The following FAM237B variants were observed in gnomAD, a reference collection of about 807,000 sequenced individuals.
The protein encoded by FAM237B is family with sequence similarity 237 member B.
rs1794975013 is a variant in FAM237B at position 90,318,092 on chromosome 7, A to C, written c.*1237T>G. ...ACCAAATTTATAGGCACCCTTTATCAAAGGTATAGGCTTTTACGACATGCA... is the reference window on the plus strand; with the variant it reads ...ACCAAATTTATAGGCACCCTTTATCCAAGGTATAGGCTTTTACGACATGCA... On this transcript the variant is annotated 3_prime_UTR_variant, in exon 3 of 3. Transcript: ENST00000692316. The C allele has an allele frequency of 6.6e-6, 1 of 152,216 alleles. No homozygotes were observed. The highest frequency in any genetic ancestry group is 2.1e-4 in the South Asian group (1 of 4,836). 9.4% of individuals were successfully genotyped at this position (152,216 alleles called of 1,614,324 possible). A position where few individuals can be genotyped will look rare whatever the true frequency, so the allele number is the denominator to read the frequency against.
At chr7:90,320,283 A>G (rs42608) in intron 2 of FAM237B, 120,679 of 152,246 alleles carry the variant, frequency 0.79, 47,951 homozygotes, top group East Asian at 0.89. Flanking sequence ...AGTTACTGCT[A>G]TTTCCATTTT....
In FAM237B at chr7:90,321,202, C is replaced by T. The variant is rs2117607755; in HGVS notation, c.-331G>A. ...GCCCAAGCTCGCTCAGCGGAACCGT[C>T]TCGGCCGCGGTGCGCTTCGGCGCTG... On this transcript the variant is annotated 5_prime_UTR_variant, in exon 1 of 3. Coordinates refer to ENST00000692316, the MANE Select transcript of FAM237B (RefSeq NM_001384237.2). The T allele has an allele frequency of 6.6e-6, 1 of 152,386 alleles. No homozygotes were observed. The highest frequency in any genetic ancestry group is 2.1e-4 in the South Asian group (1 of 4,826). 9.4% of individuals were successfully genotyped at this position (152,386 alleles called of 1,614,324 possible).
chr7:90,319,858 A>T (rs936158337), intron 2 of FAM237B, 107 bp from the exon 3 acceptor site: 3 of 397,306 alleles, frequency 7.6e-6, no homozygotes, highest in African/African-American at 6.2e-5. Flanking sequence ...TGATCAAGCC[A>T]AATCTGCTTA....
At chr7:90,320,038 G>C (rs527599488) in intron 2 of FAM237B, among the ~76,000 whole-genome samples, 1 of 152,260 alleles carries the variant, frequency 6.6e-6, no homozygotes, top group African/African-American at 2.4e-5. Context: ...AAACCCTAAA[G>C]AGCTTATGCT....
chr7:90,319,819 A>G lies in FAM237B; in HGVS notation c.-3-68T>C, dbSNP rs573499519. On this transcript the variant is annotated intron_variant, in intron 2 of 2. Transcript: ENST00000692316. ...AAAGTTATTCAATCACTTGATCTAAAAAACTGTAAGTACACATATATTTGC... is the reference window on the plus strand; with the variant it reads ...AAAGTTATTCAATCACTTGATCTAAGAAACTGTAAGTACACATATATTTGC... 8 of 397,880 alleles carry G rather than the reference A, an allele frequency of 2.0e-5. No homozygotes were observed. In the Admixed American group the frequency reaches 2.2e-4, roughly 11 times the overall value. 24.6% of individuals were successfully genotyped at this position (397,880 alleles called of 1,614,324 possible). A position where few individuals can be genotyped will look rare whatever the true frequency, so the allele number is the denominator to read the frequency against.
chr7:90,318,891 AT>A lies in FAM237B; in HGVS notation c.*437del, dbSNP rs1795060928. 1 of 152,470 alleles carries A rather than the reference AT, an allele frequency of 6.6e-6. No individual in the cohort carries two copies. Among genetic ancestry groups the A allele is most frequent in the Admixed American group, 6.5e-5 (1 of 15,286 alleles). The allele number at this position is 152,470 out of a possible 1,614,324, so 9.4% of individuals were successfully genotyped here. ...GTTTTCTCTTAAATGTAATACTCTC[AT>A]TTTGTAAAATCTAGTCCTGTAAGAT... is the stretch of plus-strand genomic sequence containing the variant. On this transcript the variant is annotated 3_prime_UTR_variant, in exon 3 of 3. Coordinates refer to ENST00000692316, the MANE Select transcript of FAM237B (RefSeq NM_001384237.2).
chr7:90,317,660 A>T lies in FAM237B; in HGVS notation c.*1669T>A, dbSNP rs542420226. The T allele has an allele frequency of 6.6e-6, 1 of 152,186 alleles. No homozygotes were observed. Among genetic ancestry groups the T allele is most frequent in the Admixed American group, 6.5e-5 (1 of 15,278 alleles). The allele number at this position is 152,186 out of a possible 1,614,324, so 9.4% of individuals were successfully genotyped here. A position where few individuals can be genotyped will look rare whatever the true frequency, so the allele number is the denominator to read the frequency against. ...AAAATGTAATTTTAAGAGTGTTTAT[A>T]TATAAAACCCCTAATAAATGGTCTA... On this transcript the variant is annotated 3_prime_UTR_variant, in exon 3 of 3. Coordinates refer to ENST00000692316, the MANE Select transcript of FAM237B (RefSeq NM_001384237.2).
rs1795113496 is a variant in FAM237B, at chr7:90,319,455, C to G, written c.294G>C (p.Trp98Cys). Residue 98 changes from tryptophan to cysteine, a missense_variant, in exon 3 of 3, where the codon TGG becomes TGC. Trp to Cys is a radical substitution (Grantham distance 215, BLOSUM62 -2). Transcript: ENST00000692316. ...NVFLNIAQDF[W>C]DMYVDCLLSR... ...AAAGCAAGCAGTCTACATACATGTCCCAGAAATCCTGAGCTATGTTTAAGA... is the reference window on the plus strand; with the variant it reads ...AAAGCAAGCAGTCTACATACATGTCGCAGAAATCCTGAGCTATGTTTAAGA... 5.0e-6 allele frequency: 2 copies of G among 398,554 alleles called. No individual in the cohort carries two copies. Among genetic ancestry groups the G allele is most frequent in the East Asian group, 7.1e-5 (2 of 28,078 alleles). 24.7% of individuals were successfully genotyped at this position (398,554 alleles called of 1,614,324 possible). A position where few individuals can be genotyped will look rare whatever the true frequency, so the allele number is the denominator to read the frequency against.
rs1043877350 is a variant in FAM237B at position 90,317,002 on chromosome 7, T to G, written c.*2327A>C. 2.7e-5 allele frequency: 4 copies of G among 149,038 alleles called. No individual in the cohort carries two copies. Among genetic ancestry groups the G allele is most frequent in the Non-Finnish European group, 4.4e-5 (3 of 67,720 alleles). The allele number at this position is 149,038 out of a possible 1,614,324, so 9.2% of individuals were successfully genotyped here. ...GCCCACAGACTGTAAAAGAGAACTG[T>G]TTTTTTTGAGGAAAACTGTAATACT... On this transcript the variant is annotated 3_prime_UTR_variant, in exon 3 of 3. Transcript: ENST00000692316.
In FAM237B at chr7:90,318,424, A is replaced by G. The variant is rs376818367; in HGVS notation, c.*905T>C. 4 of 152,304 alleles carry G rather than the reference A, an allele frequency of 2.6e-5. No homozygotes were observed. Among genetic ancestry groups the G allele is most frequent in the African/African-American group, 9.6e-5 (4 of 41,592 alleles). 9.4% of individuals were successfully genotyped at this position (152,304 alleles called of 1,614,324 possible). On this transcript the variant is annotated 3_prime_UTR_variant, in exon 3 of 3. Coordinates refer to ENST00000692316, the MANE Select transcript of FAM237B (RefSeq NM_001384237.2). The stretch of plus-strand genomic sequence containing the variant: ...AAAAAGGTTTTAGTCCTTAATGCAT[A>G]GAAAAATACTTTAATATAGAAGATG...
chr7:90,318,749 A>G lies in FAM237B; in HGVS notation c.*580T>C, dbSNP rs895741463. 1.3e-5 allele frequency: 2 copies of G among 152,156 alleles called. No homozygotes were observed. The highest frequency in any genetic ancestry group is 6.5e-5 in the Admixed American group (1 of 15,286). 9.4% of individuals were successfully genotyped at this position (152,156 alleles called of 1,614,324 possible). ...ATAATTCAATAGCAATAAAGCAATT[A>G]CAACAAAAAACAACGTTTATCAGTA... On this transcript the variant is annotated 3_prime_UTR_variant, in exon 3 of 3. Transcript: ENST00000692316.
At chr7:90,319,790 TAA>T (rs1366859558) in intron 2 of FAM237B, 39 bp from the exon 3 acceptor site, 3 of 398,258 alleles carry the variant, frequency 7.5e-6, no homozygotes, top group Non-Finnish European at 1.3e-5. Context: ...ATATTTAACT[TAA>T]AAAAGTTATT....
intron 2 of FAM237B, 127 bp from the exon 3 acceptor site, chr7:90,319,878 C>T (rs1795157304): frequency 1.3e-5 from 5 of 396,760 alleles, no homozygotes; most frequent in Non-Finnish European, 2.2e-5. Flanking sequence ...ACTAGGTATT[C>T]ATTTTTTCTA....
chr7:90,319,248 TA>T lies in FAM237B; in HGVS notation c.*80del, dbSNP rs1795093072. 5.0e-6 allele frequency: 2 copies of T among 397,430 alleles called. No individual in the cohort carries two copies. The highest frequency in any genetic ancestry group is 4.4e-6 in the Non-Finnish European group (1 of 225,660). The allele number at this position is 397,430 out of a possible 1,614,324, so 24.6% of individuals were successfully genotyped here. ...TATCATTTTAGGGAAAAAAACTAAA[TA>T]TGGTAAATTTGCTACCTTGTTGGAT... is the stretch of plus-strand genomic sequence containing the variant. On this transcript the variant is annotated 3_prime_UTR_variant, in exon 3 of 3. Transcript: ENST00000692316.
Position 90,319,402 on chromosome 7 carries a change from T to C in FAM237B, c.347A>G (p.Gln116Arg), listed in dbSNP as rs927207693. 1.8e-5 allele frequency: 7 copies of C among 398,510 alleles called. No individual in the cohort carries two copies. The highest frequency in any genetic ancestry group is 1.2e-4 in the African/African-American group (6 of 48,642). The allele number at this position is 398,510 out of a possible 1,614,324, so 24.7% of individuals were successfully genotyped here. ...LSRSHGMGRRQVMPPKYNFPQ... is the reference protein window; with the variant it reads ...LSRSHGMGRRRVMPPKYNFPQ... ...AAAATTATATTTGGGGGGCATCACC[T>C]GTCTTCTGCCCATTCCATGAGATCT... Residue 116 changes from glutamine to arginine, a missense_variant, in exon 3 of 3, where the codon CAG (glutamine) becomes CGG (arginine). Transcript: ENST00000692316.
chr7:90,318,164 T>C lies in FAM237B; in HGVS notation c.*1165A>G, dbSNP rs888957444. 1.3e-5 allele frequency: 2 copies of C among 152,220 alleles called. No homozygotes were observed. The highest frequency in any genetic ancestry group is 2.9e-5 in the Non-Finnish European group (2 of 68,010). The allele number at this position is 152,220 out of a possible 1,614,324, so 9.4% of individuals were successfully genotyped here. A position where few individuals can be genotyped will look rare whatever the true frequency, so the allele number is the denominator to read the frequency against. Reference sequence around the variant, plus strand: ...CCGTAACTCCATTGTATTACTTCCCTGTCTTCATGTCCCAATGTTCCAATT... The same window carrying C: ...CCGTAACTCCATTGTATTACTTCCCCGTCTTCATGTCCCAATGTTCCAATT... On this transcript the variant is annotated 3_prime_UTR_variant, in exon 3 of 3. Transcript: ENST00000692316.
chr7:90,317,861 G>C lies in FAM237B; in HGVS notation c.*1468C>G, dbSNP rs1794950150. The C allele has an allele frequency of 6.6e-6, 1 of 152,118 alleles. No homozygotes were observed. Among genetic ancestry groups the C allele is most frequent in the African/African-American group, 2.4e-5 (1 of 41,434 alleles). 9.4% of individuals were successfully genotyped at this position (152,118 alleles called of 1,614,324 possible). On this transcript the variant is annotated 3_prime_UTR_variant, in exon 3 of 3. Transcript: ENST00000692316. The stretch of plus-strand genomic sequence containing the variant: ...AGTGTACTGGAATCAGACTGTAAAG[G>C]AGAGAATCTGTCATTGTAAGGATAC...
rs550581342 is a variant in FAM237B, at chr7:90,318,525, C to T, written c.*804G>A. On this transcript the variant is annotated 3_prime_UTR_variant, in exon 3 of 3. Coordinates refer to ENST00000692316, the MANE Select transcript of FAM237B (RefSeq NM_001384237.2). The stretch of plus-strand genomic sequence containing the variant: ...ATATTACTTTTTAGGATAATACTGC[C>T]ATTAGTTTTGGCACAGTTTAATAGT... 6.6e-6 allele frequency: 1 copy of T among 152,110 alleles called. No homozygotes were observed. Among genetic ancestry groups the T allele is most frequent in the South Asian group, 2.1e-4 (1 of 4,808 alleles). 9.4% of individuals were successfully genotyped at this position (152,110 alleles called of 1,614,324 possible).
At position 90,316,815 on chromosome 7, in the gene FAM237B, TG is replaced by T. The variant is rs1354437777; in HGVS notation, c.*2513del. The T allele has an allele frequency of 6.6e-6, 1 of 152,220 alleles. No homozygotes were observed. The highest frequency in any genetic ancestry group is 1.5e-5 in the Non-Finnish European group (1 of 68,024). 9.4% of individuals were successfully genotyped at this position (152,220 alleles called of 1,614,324 possible). A position where few individuals can be genotyped will look rare whatever the true frequency, so the allele number is the denominator to read the frequency against. On this transcript the variant is annotated 3_prime_UTR_variant, in exon 3 of 3. Transcript: ENST00000692316. ...ACTAGAAAACCATTTTGCCATTAAC[TG>T]GAAGACTAATTTTATTGATTTAAGC...
Sources: allele counts gnomAD v4.1 joint callset (sites outside exome capture counted in the v4.1 genomes callset), GRCh38; gene constraint gnomAD v4.1.1; transcripts MANE v1.5; gene names NCBI Gene and HGNC (gene_info 2026-07-23, HGNC 2026-07-21).